The following ASPRV1 variants were observed in gnomAD, a reference collection of about 807,000 sequenced individuals.
ASPRV1 encodes aspartic peptidase retroviral like 1, also known as retroviral-like aspartic protease 1.
ASPRV1 carries 7 observed loss-of-function variants against 11.0 expected under a neutral mutation model. The observed-to-expected ratio is 0.64, with a 90% confidence interval of 0.36 to 1.20. ASPRV1 has a LOEUF of 1.20. Among genes scored for constraint, ASPRV1 ranks in the 50% most tolerant of loss-of-function variants. The pLI, the probability that ASPRV1 is intolerant of heterozygous loss-of-function variation, is 0.02. For synonymous variants in ASPRV1, 136 were observed against 138.4 expected, an observed-to-expected ratio of 0.98 and a Z score of 0.12; for missense variants, 299 against 320.0, an observed-to-expected ratio of 0.93 and a Z score of 0.50.
At chr2:70,009,064 AAG>A in the ASPRV1 span, among the ~76,000 whole-genome samples, 1 of 152,332 alleles carries the variant, frequency 6.6e-6, no homozygotes, top group South Asian at 2.1e-4. Context: ...AGGGCAGAAA[AAG>A]AGAAAATTCA....
At chr2:69,938,558 C>T in the ASPRV1 span, 1 of 381,820 alleles carries the variant, frequency 2.6e-6, no homozygotes, top group South Asian at 3.0e-5. Flanking sequence ...ACCGAATAAG[C>T]AATGTCCACA....
chr2:70,075,099 G>C, the ASPRV1 span: 1 of 149,918 alleles, frequency 6.7e-6, no homozygotes, highest in Non-Finnish European at 1.5e-5. Flanking sequence ...CCTGGCCACA[G>C]AGCAAGATAA....
chr2:70,066,369 G>A, the ASPRV1 span, among the ~76,000 whole-genome samples: 2 of 151,532 alleles, frequency 1.3e-5, no homozygotes, highest in Non-Finnish European at 2.9e-5. Flanking sequence ...CTCCCGAGTA[G>A]CTGGGATTAC....
chr2:70,053,380 A>T, the ASPRV1 span, among the ~76,000 whole-genome samples: 1 of 152,132 alleles, frequency 6.6e-6, no homozygotes, highest in African/African-American at 2.4e-5. Context: ...GTATAGGCAC[A>T]TGAGTGGAGG....
At chr2:70,004,502 C>G in the ASPRV1 span, among the ~76,000 whole-genome samples, 1 of 144,482 alleles carries the variant, frequency 6.9e-6, no homozygotes, top group Non-Finnish European at 1.5e-5. Context: ...TGTACTCCAG[C>G]CTGGCAACAC....
At chr2:70,074,652 G>C in the ASPRV1 span, among the ~76,000 whole-genome samples, 4 of 151,828 alleles carry the variant, frequency 2.6e-5, no homozygotes. Context: ...TTGGTGGCAG[G>C]GTCAAGTCAA....
chr2:70,011,077 G>A, the ASPRV1 span, among the ~76,000 whole-genome samples: 1 of 152,122 alleles, frequency 6.6e-6, no homozygotes, highest in Non-Finnish European at 1.5e-5. Context: ...TGAACACAGA[G>A]GGGAGCAATA....
At chr2:70,016,693 A>G in the ASPRV1 span, among the ~76,000 whole-genome samples, 2 of 152,022 alleles carry the variant, frequency 1.3e-5, no homozygotes, top group Non-Finnish European at 2.9e-5. Flanking sequence ...AAAATACAAA[A>G]ACTAGCCAGG....
At chr2:70,012,371 G>T in the ASPRV1 span, among the ~76,000 whole-genome samples, 2 of 151,968 alleles carry the variant, frequency 1.3e-5, no homozygotes, top group Non-Finnish European at 2.9e-5. Flanking sequence ...CGCCAGAATG[G>T]TCTCAATCTC....
At chr2:69,985,219 C>A in the ASPRV1 span, among the ~76,000 whole-genome samples, 9 of 152,046 alleles carry the variant, frequency 5.9e-5, no homozygotes, top group Admixed American at 3.3e-4. Context: ...TCTCTTCCTT[C>A]CTTCCTTCTC....
chr2:69,986,250 C>G, the ASPRV1 span, among the ~76,000 whole-genome samples: 1 of 152,224 alleles, frequency 6.6e-6, no homozygotes, highest in Non-Finnish European at 1.5e-5. Flanking sequence ...GAGCCTGCTT[C>G]CTGCATGGGC....
chr2:70,004,110 T>C, the ASPRV1 span, among the ~76,000 whole-genome samples: 1 of 152,128 alleles, frequency 6.6e-6, no homozygotes, highest in Admixed American at 6.5e-5. Context: ...AAACGGAGTC[T>C]TCTAAGGGTG....
the ASPRV1 span, among the ~76,000 whole-genome samples, chr2:70,076,886 A>T: frequency 3.9e-5 from 6 of 152,190 alleles, no homozygotes; most frequent in Non-Finnish European, 8.8e-5. Context: ...CAAAATTAAG[A>T]ATTTCAAGTG....
the ASPRV1 span, chr2:70,030,220 G>A: frequency 1.3e-5 from 2 of 152,286 alleles, no homozygotes; most frequent in African/African-American, 4.8e-5. Context: ...CCTATCTCAG[G>A]GAAAGCAGGC....
chr2:70,026,890 C>G, the ASPRV1 span, among the ~76,000 whole-genome samples: 5 of 152,120 alleles, frequency 3.3e-5, no homozygotes, highest in South Asian at 8.3e-4. Flanking sequence ...CCCAAATAGC[C>G]AAAGCAATCC....
the ASPRV1 span, among the ~76,000 whole-genome samples, chr2:70,017,448 T>C: frequency 8.7e-3 from 1,329 of 152,260 alleles, 17 homozygotes; most frequent in South Asian, 0.026. Flanking sequence ...ATAGTGAAAA[T>C]TGAAAGTTTT....
At chr2:69,952,618 GGAAAT>G in the ASPRV1 span, among the ~76,000 whole-genome samples, 3 of 152,096 alleles carry the variant, frequency 2.0e-5, no homozygotes, top group African/African-American at 4.8e-5. Context: ...AAGGAGAAAA[GGAAAT>G]GAAAAGAGAA....
At chr2:70,053,409 ACT>A in the ASPRV1 span, among the ~76,000 whole-genome samples, 1 of 151,926 alleles carries the variant, frequency 6.6e-6, no homozygotes, top group African/African-American at 2.4e-5. Context: ...TCAGGGAAAG[ACT>A]CAACTACTTC....
the ASPRV1 span, among the ~76,000 whole-genome samples, chr2:70,002,017 C>T: frequency 2.6e-5 from 4 of 152,100 alleles, no homozygotes; most frequent in Admixed American, 1.3e-4. Flanking sequence ...TATATATGCA[C>T]AGAAAAAATA....
Sources: gnomAD v4.1 joint callset for allele counts (sites outside exome capture counted in the v4.1 genomes callset) on GRCh38, gnomAD v4.1.1 for gene constraint, MANE v1.5 for transcripts, NCBI Gene and HGNC (gene_info 2026-07-23, HGNC 2026-07-21) for gene names.